The following ZSWIM6 variants were observed in gnomAD, a reference collection of about 807,000 sequenced individuals.
The protein encoded by ZSWIM6 is zinc finger SWIM-type containing 6, also known as zinc finger SWIM domain-containing protein 6.
ZSWIM6 carries 9 observed loss-of-function variants against 113.2 expected under a neutral mutation model. The ratio of observed to expected loss-of-function variants is 0.08; its 90% CI spans 0.05 to 0.14. ZSWIM6 has a LOEUF of 0.14. Ranked by LOEUF, ZSWIM6 falls within the 10% of genes least tolerant of loss-of-function variation. The pLI, the probability that ZSWIM6 is intolerant of heterozygous loss-of-function variation, is 1.00. For missense variants in ZSWIM6, 1,162 were observed against 1,552.2 expected (o/e 0.75, Z 4.22); for synonymous variants, 611 against 606.5 (o/e 1.01, Z -0.11).
intron 4 of ZSWIM6, among the ~76,000 whole-genome samples, chr5:61,503,279 C>A (rs1259883222): frequency 6.6e-6 from 1 of 152,108 alleles, no homozygotes; most frequent in Admixed American, 6.6e-5. Context: ...ACAGAATACC[C>A]AGGGTAATGA....
chr5:61,445,532 T>A (rs953644257), intron 1 of ZSWIM6, among the ~76,000 whole-genome samples: 6 of 152,178 alleles, frequency 3.9e-5, no homozygotes, highest in Admixed American at 2.6e-4. Context: ...AAGTACAAAG[T>A]CTCACATTTT....
At chr5:61,511,469 A>C (rs995530800) in intron 4 of ZSWIM6, among the ~76,000 whole-genome samples, 1 of 152,044 alleles carries the variant, frequency 6.6e-6, no homozygotes, top group Non-Finnish European at 1.5e-5. Flanking sequence ...TGTCCTCCCC[A>C]AATTTTTTAT....
chr5:61,504,648 G>A lies in ZSWIM6; in HGVS notation c.1333+10238G>A, dbSNP rs78499468. On this transcript the variant is annotated intron_variant, in intron 4 of 13. Coordinates refer to ENST00000252744, the MANE Select transcript of ZSWIM6 (RefSeq NM_020928.2). ...CAAGTATAGTGCTTAAGTGTCTACCGGACCATCAGCACTCTATACTAATCA... is the reference window on the plus strand; with the variant it reads ...CAAGTATAGTGCTTAAGTGTCTACCAGACCATCAGCACTCTATACTAATCA... 6.4e-3 allele frequency among the ~76,000 whole-genome samples: 978 copies of A among 152,186 alleles called. 8 individuals are homozygous for A. The highest frequency in any genetic ancestry group is 0.02 in the African/African-American group (846 of 41,524).
chr5:61,351,458 T>G (rs1744781316), intron 1 of ZSWIM6, among the ~76,000 whole-genome samples: 1 of 152,212 alleles, frequency 6.6e-6, no homozygotes, highest in African/African-American at 2.4e-5. Flanking sequence ...TGCACTAAGA[T>G]CTACATTCCC....
At chr5:61,528,288 A>G (rs753686961) in intron 7 of ZSWIM6, among the ~76,000 whole-genome samples, 1 of 151,972 alleles carries the variant, frequency 6.6e-6, no homozygotes, top group Non-Finnish European at 1.5e-5. Context: ...TATTTGATTT[A>G]TTTTTGATTT....
chr5:61,340,212 A>G (rs1428010983), intron 1 of ZSWIM6, among the ~76,000 whole-genome samples: 1 of 152,160 alleles, frequency 6.6e-6, no homozygotes, highest in Non-Finnish European at 1.5e-5. Flanking sequence ...ATTCCTTGTC[A>G]TTTTGAACTT....
At chr5:61,426,139 T>G (rs1358424463) in intron 1 of ZSWIM6, among the ~76,000 whole-genome samples, 2 of 152,230 alleles carry the variant, frequency 1.3e-5, no homozygotes, top group Non-Finnish European at 2.9e-5. Flanking sequence ...TTTAGGCCAT[T>G]GCATGATTTG....
intron 4 of ZSWIM6, among the ~76,000 whole-genome samples, chr5:61,497,265 A>G (rs1412190731): frequency 1.3e-5 from 2 of 152,144 alleles, no homozygotes; most frequent in Admixed American, 1.3e-4. Flanking sequence ...CATATGGCCC[A>G]GTGTCCCCCT....
intron 3 of ZSWIM6, among the ~76,000 whole-genome samples, chr5:61,491,368 A>G (rs1748171023): frequency 6.6e-6 from 1 of 152,078 alleles, no homozygotes; most frequent in South Asian, 2.1e-4. Context: ...CTTGAGTTTT[A>G]GAGTCATATA....
intron 1 of ZSWIM6, among the ~76,000 whole-genome samples, chr5:61,336,380 AT>A (rs2112020138): frequency 6.6e-6 from 1 of 152,318 alleles, no homozygotes; most frequent in Admixed American, 6.5e-5. Flanking sequence ...TAAAAAAAAA[AT>A]TTCCCCAAGT....
chr5:61,410,987 T>A lies in ZSWIM6; in HGVS notation c.677-61694T>A, dbSNP rs377647957. 1.4e-4 allele frequency among the ~76,000 whole-genome samples: 21 copies of A among 152,234 alleles called. No individual in the cohort carries two copies. In the East Asian group the frequency reaches 2.5e-3, roughly 18 times the overall value. On this transcript the variant is annotated intron_variant, in intron 1 of 13. Transcript: ENST00000252744. ...TTATGAAGACGTAAGAATATTCTGG[T>A]TAATAATACACTATGGTTTGGCATG... is the stretch of plus-strand genomic sequence containing the variant.
intron 1 of ZSWIM6, among the ~76,000 whole-genome samples, chr5:61,370,884 A>AATTTCCCT (rs1485525726): frequency 6.6e-6 from 1 of 152,236 alleles, no homozygotes; most frequent in Non-Finnish European, 1.5e-5. Context: ...TTAATGTGAA[A>AATTTCCCT]ATTTAAAGTT....
chr5:61,361,871 A>G (rs748446189), intron 1 of ZSWIM6, among the ~76,000 whole-genome samples: 3 of 152,240 alleles, frequency 2.0e-5, no homozygotes, highest in Non-Finnish European at 4.4e-5. Context: ...CGTGGAAAAT[A>G]TACTTTAAGG....
chr5:61,356,864 T>A (rs1744926894), intron 1 of ZSWIM6, among the ~76,000 whole-genome samples: 1 of 146,686 alleles, frequency 6.8e-6, no homozygotes. Flanking sequence ...ATATAATATG[T>A]ATATAGTGTA....
At chr5:61,537,436 G>A (rs1055296805) in intron 10 of ZSWIM6, among the ~76,000 whole-genome samples, 1 of 152,104 alleles carries the variant, frequency 6.6e-6, no homozygotes, top group African/African-American at 2.4e-5. Flanking sequence ...AGTCCTTCTG[G>A]AAGAGGAAGG....
intron 1 of ZSWIM6, among the ~76,000 whole-genome samples, chr5:61,359,052 T>A (rs560135406): frequency 2.4e-4 from 37 of 152,174 alleles, no homozygotes; most frequent in Non-Finnish European, 4.6e-4. Context: ...GCAATACATA[T>A]AACACACATA....
intron 1 of ZSWIM6, among the ~76,000 whole-genome samples, chr5:61,340,003 C>G (rs1170615429): frequency 4.5e-4 from 68 of 152,284 alleles, no homozygotes; most frequent in Non-Finnish European, 8.8e-5. Context: ...TTTGTCAATC[C>G]TACCCAGATC....
At chr5:61,496,325 C>G (rs920873516) in intron 4 of ZSWIM6, among the ~76,000 whole-genome samples, 1 of 152,130 alleles carries the variant, frequency 6.6e-6, no homozygotes, top group South Asian at 2.1e-4. Flanking sequence ...AGGTCACTTG[C>G]CATTTTAATG....
chr5:61,358,901 A>G (rs1310951594), intron 1 of ZSWIM6, among the ~76,000 whole-genome samples: 1 of 152,224 alleles, frequency 6.6e-6, no homozygotes, highest in East Asian at 1.9e-4. Flanking sequence ...AGCTGCTAAC[A>G]GGCTAGTGAT....
Sources: allele counts gnomAD v4.1 joint callset (sites outside exome capture counted in the v4.1 genomes callset), GRCh38; gene constraint gnomAD v4.1.1; transcripts MANE v1.5; gene names NCBI Gene and HGNC (gene_info 2026-07-23, HGNC 2026-07-21).